RBL2: variants seen among roughly 807,000 people sequenced by gnomAD.
RBL2 encodes the protein retinoblastoma-like protein 2.
In RBL2, 56 loss-of-function variants were observed where a neutral mutation model predicts 126.0. The observed-to-expected ratio is 0.44, with a 90% confidence interval of 0.36 to 0.56. The LOEUF (loss-of-function observed/expected upper bound fraction) is 0.56. Ranked by LOEUF, RBL2 falls within the 20% of genes least tolerant of loss-of-function variation. RBL2 has a pLI of 0.00. For missense variants in RBL2, 1,229 were observed against 1,398.2 expected, an observed-to-expected ratio of 0.88 and a Z score of 1.93; for synonymous variants, 454 against 478.5, an observed-to-expected ratio of 0.95 and a Z score of 0.67.
chr16:53,461,449 A>C (rs1308035368), intron 9 of RBL2, among the ~76,000 whole-genome samples: 1 of 152,180 alleles, frequency 6.6e-6, no homozygotes, highest in Non-Finnish European at 1.5e-5. Context: ...CCAAGACTGC[A>C]TCACTGCATT....
intron 4 of RBL2, 100 bp from the exon 5 acceptor site, chr16:53,451,603 C>A: frequency 7.5e-7 from 1 of 1,326,204 alleles, no homozygotes; most frequent in South Asian, 1.5e-5. Flanking sequence ...CAATTTTGTA[C>A]AATTGTTTTG....
At position 53,491,080 on chromosome 16, in the gene RBL2, A is replaced by T. The variant is rs1186643680; in HGVS notation, c.*780A>T. 3 of 152,622 alleles carry T rather than the reference A, an allele frequency of 2.0e-5. No homozygotes were observed. Among genetic ancestry groups the T allele is most frequent in the African/African-American group, 7.2e-5 (3 of 41,446 alleles). 9.5% of individuals were successfully genotyped at this position (152,622 alleles called of 1,614,324 possible). On this transcript the variant is annotated 3_prime_UTR_variant, in exon 22 of 22. Coordinates refer to ENST00000262133, the MANE Select transcript of RBL2 (RefSeq NM_005611.4). Reference sequence around the variant, plus strand: ...TTCTTTAATGCTTTTATATTTTTTTAAAATGTTAAAACCCCTATAGCCACC... The same window carrying T: ...TTCTTTAATGCTTTTATATTTTTTTTAAATGTTAAAACCCCTATAGCCACC...
chr16:53,442,925 G>A, intron 3 of RBL2, 67 bp downstream of exon 3: 6 of 1,193,526 alleles, frequency 5.0e-6, no homozygotes, highest in Non-Finnish European at 6.9e-6. Flanking sequence ...TATTCTGCTA[G>A]GTTTTTTTTT....
In RBL2 at chr16:53,454,857, G is replaced by A; in HGVS notation, c.1179+15G>A. ...ATTTTGACAAGGTGAGTTTAGCCAT[G>A]CCAGAAGAGTAGAAATACAGGAGCA... On this transcript the variant is annotated intron_variant, in intron 8 of 21. Transcript: ENST00000262133. The A allele has an allele frequency of 1.3e-6, 2 of 1,583,650 alleles. No homozygotes were observed. Among genetic ancestry groups the A allele is most frequent in the South Asian group, 1.2e-5 (1 of 86,906 alleles).
chr16:53,445,289 T>C (rs1454848467), intron 3 of RBL2, among the ~76,000 whole-genome samples: 1 of 149,850 alleles, frequency 6.7e-6, no homozygotes, highest in African/African-American at 2.5e-5. Context: ...CTCATACCAC[T>C]GTACTCCAGT....
At chr16:53,435,585 TG>T in intron 1 of RBL2, 1 of 1,243,220 alleles carries the variant, frequency 8.0e-7, no homozygotes, top group African/African-American at 1.6e-5. Context: ...CTCCCCTTCA[TG>T]GGCCAATGGG....
intron 3 of RBL2, among the ~76,000 whole-genome samples, chr16:53,444,010 A>G (rs1898584993): frequency 6.6e-6 from 1 of 152,222 alleles, no homozygotes. Flanking sequence ...GCACTTTAGG[A>G]GGCTGAGGCA....
intron 18 of RBL2, 86 bp downstream of exon 18, chr16:53,479,311 C>CT (rs996894303): frequency 1.4e-5 from 18 of 1,252,280 alleles, no homozygotes; most frequent in Admixed American, 1.9e-5. Context: ...ACTCTGTGGC[C>CT]TTTTTTCCAA....
intron 15 of RBL2, 91 bp from the exon 16 acceptor site, chr16:53,470,292 A>G: frequency 6.4e-7 from 1 of 1,561,234 alleles, no homozygotes; most frequent in Non-Finnish European, 8.7e-7. Context: ...TGATGGGGAG[A>G]GAGGGTTTGG....
Position 53,434,619 on chromosome 16 carries a change from G to A in RBL2, c.63G>A (p.Ser21=). Reference sequence around the variant, plus strand: ...CTCCCCCTCCGGCGGCGGCAGCCTCGGATGAGGAGGAGGAGGACGACGGCG... The same window carrying A: ...CTCCCCCTCCGGCGGCGGCAGCCTCAGATGAGGAGGAGGAGGACGACGGCG... ...PPPPPPAAAA[S]DEEEEDDGEA... Residue 21 remains serine (S), a synonymous_variant, in exon 1 of 22, where the codon TCG becomes TCA. Coordinates refer to ENST00000262133, the MANE Select transcript of RBL2 (RefSeq NM_005611.4). The A allele has an allele frequency of 6.4e-7, 1 of 1,555,368 alleles. No homozygotes were observed. The highest frequency in any genetic ancestry group is 8.6e-7 in the Non-Finnish European group (1 of 1,159,720).
intron 1 of RBL2, chr16:53,435,806 G>GTATT: frequency 1.7e-6 from 2 of 1,191,204 alleles, no homozygotes; most frequent in South Asian, 2.6e-5. Flanking sequence ...TTTTTAATTT[G>GTATT]TATTTGCATT....
intron 17 of RBL2, among the ~76,000 whole-genome samples, chr16:53,475,376 C>T (rs989334247): frequency 5.3e-5 from 8 of 152,162 alleles, no homozygotes; most frequent in Admixed American, 1.3e-4. Flanking sequence ...CCACCTCGCC[C>T]AGCTAGTTTT....
intron 21 of RBL2, among the ~76,000 whole-genome samples, chr16:53,483,750 G>A (rs1353427154): frequency 2.0e-5 from 3 of 151,898 alleles, no homozygotes; most frequent in South Asian, 2.1e-4. Flanking sequence ...AAAATTAGCC[G>A]GGCATGGTGG....
At chr16:53,452,016 C>T (rs2058120544) in intron 5 of RBL2, among the ~76,000 whole-genome samples, 185 bp downstream of exon 5, 1 of 152,100 alleles carries the variant, frequency 6.6e-6, no homozygotes, top group Non-Finnish European at 1.5e-5. Flanking sequence ...TTGCAGATAC[C>T]ACAAAGTTTA....
chr16:53,486,516 T>A (rs1222065777), intron 21 of RBL2, among the ~76,000 whole-genome samples: 1 of 152,170 alleles, frequency 6.6e-6, no homozygotes, highest in Non-Finnish European at 1.5e-5. Flanking sequence ...TAATGCCAAT[T>A]CTATAGAAAC....
chr16:53,448,237 A>G (rs1012791000), intron 4 of RBL2, among the ~76,000 whole-genome samples: 1 of 151,600 alleles, frequency 6.6e-6, no homozygotes, highest in African/African-American at 2.4e-5. Flanking sequence ...GGCCCACTGC[A>G]ACCTCTGCTG....
chr16:53,473,662 G>C (rs1205132818), intron 17 of RBL2, among the ~76,000 whole-genome samples: 1 of 151,598 alleles, frequency 6.6e-6, no homozygotes, highest in Non-Finnish European at 1.5e-5. Context: ...TAATTATCTT[G>C]CTAGAACTTC....
Position 53,490,561 on chromosome 16 carries a change from C to G in RBL2, c.*261C>G, listed in dbSNP as rs1961379938. On this transcript the variant is annotated 3_prime_UTR_variant, in exon 22 of 22. Transcript: ENST00000262133. The stretch of plus-strand genomic sequence containing the variant: ...AGAATCCAAACTTGGATTTTTGACT[C>G]TGGCAAAGCTTTTAGAAATACTGCA... The G allele has an allele frequency of 6.0e-6, 2 of 331,888 alleles. No individual in the cohort carries two copies. Among genetic ancestry groups the G allele is most frequent in the Non-Finnish European group, 5.4e-6 (1 of 184,380 alleles). The allele number at this position is 331,888 out of a possible 1,614,324, so 20.6% of individuals were successfully genotyped here. A position where few individuals can be genotyped will look rare whatever the true frequency, so the allele number is the denominator to read the frequency against.
chr16:53,479,851 C>A (rs1203558595), intron 18 of RBL2, 35 bp from the exon 19 acceptor site: 1 of 1,426,258 alleles, frequency 7.0e-7, no homozygotes. Flanking sequence ...TCAACAAATA[C>A]TAGTTTATGT....
Sources: allele counts gnomAD v4.1 joint callset (sites outside exome capture counted in the v4.1 genomes callset), GRCh38; gene constraint gnomAD v4.1.1; transcripts MANE v1.5; gene names NCBI Gene and HGNC (gene_info 2026-07-23, HGNC 2026-07-21).